The following TAOK3 variants were observed in gnomAD, a reference collection of about 807,000 sequenced individuals.
TAOK3 encodes serine/threonine-protein kinase TAO3.
A neutral mutation model predicts 120.4 loss-of-function variants in TAOK3; 40 were observed. The observed-to-expected ratio is 0.33, with a 90% CI of 0.26 to 0.43. The LOEUF (loss-of-function observed/expected upper bound fraction) is 0.43, where lower values mean the gene tolerates loss of function less well. Among genes scored for constraint, TAOK3 ranks in the 20% least tolerant of loss-of-function variants. TAOK3 has a pLI of 1.00. For missense variants in TAOK3, 821 were observed against 1,112.1 expected (o/e 0.74, Z 3.72); for synonymous variants, 355 against 387.5 (o/e 0.92, Z 0.99).
intron 4 of TAOK3, among the ~76,000 whole-genome samples, 183 bp from the exon 5 acceptor site, chr12:118,243,699 CAG>C (rs1359794581): frequency 6.6e-6 from 1 of 152,086 alleles, no homozygotes; most frequent in East Asian, 1.9e-4. Flanking sequence ...TTAATTGAGA[CAG>C]AGTCTTGCTC....
intron 1 of TAOK3, chr12:118,358,892 G>A (rs908093065): frequency 3.0e-4 from 46 of 152,086 alleles, no homozygotes; most frequent in Non-Finnish European, 1.6e-4. Flanking sequence ...AACATTAAAT[G>A]TAAAATAAAA....
chr12:118,233,922 A>C (rs1166866229), intron 8 of TAOK3, among the ~76,000 whole-genome samples, 157 bp from the exon 9 acceptor site: 1 of 152,204 alleles, frequency 6.6e-6, no homozygotes, highest in Non-Finnish European at 1.5e-5. Flanking sequence ...AACACTATTC[A>C]AAATATAATC....
chr12:118,248,098 T>C (rs547955232), intron 3 of TAOK3, among the ~76,000 whole-genome samples: 6 of 152,030 alleles, frequency 3.9e-5, no homozygotes, highest in Admixed American at 1.3e-4. Flanking sequence ...CCTCTTCAGA[T>C]ACAATGGTTT....
intron 3 of TAOK3, 57 bp downstream of exon 3, chr12:118,255,391 C>T (rs2140152869): frequency 1.3e-6 from 2 of 1,590,046 alleles, no homozygotes; most frequent in Non-Finnish European, 8.6e-7. Context: ...CTGTGCCAGG[C>T]CTAGAGTCCA....
In TAOK3 at chr12:118,206,874, C is replaced by T. The variant is rs996483673; in HGVS notation, c.820-5411G>A. On this transcript the variant is annotated intron_variant, in intron 11 of 20. Coordinates refer to ENST00000392533, the MANE Select transcript of TAOK3 (RefSeq NM_016281.4). ...CCTCCAAAAGTGCTGGGATTACAGG[C>T]GTGAGCCACTGCACCCGGCCTCCTC... Among the ~76,000 whole-genome samples the T allele has an allele frequency of 9.2e-5, 14 of 152,186 alleles. No individual in the cohort carries two copies. In the South Asian group the frequency reaches 1.5e-3, roughly 16 times the overall value.
In TAOK3 at chr12:118,217,816, CATATATATATATATATATATAT is replaced by C. The variant is rs57197721; in HGVS notation, c.644-3728_644-3707del. 2.1e-3 allele frequency among the ~76,000 whole-genome samples: 97 copies of C among 46,000 alleles called. 1 individual carries two copies. In the East Asian group the frequency reaches 0.038, roughly 18 times the overall value. The allele number at this position is 46,000 out of a possible 152,430, so 30.2% of individuals were successfully genotyped here. ...GTATGTATGTGTGTGTGTGTGTATA[CATATATATATATATATATATAT>C]ATATATATATATATATATATATACA... On this transcript the variant is annotated intron_variant, in intron 9 of 20. Coordinates refer to ENST00000392533, the MANE Select transcript of TAOK3 (RefSeq NM_016281.4).
chr12:118,168,552 C>T (rs973007701), intron 17 of TAOK3, among the ~76,000 whole-genome samples: 9 of 152,074 alleles, frequency 5.9e-5, no homozygotes, highest in Admixed American at 2.6e-4. Flanking sequence ...TTTCTGTTTT[C>T]GTCTATTTTC....
rs183042875 is a variant in TAOK3, at chr12:118,279,685, G to A, written c.-193-12926C>T. Among the ~76,000 whole-genome samples the A allele has an allele frequency of 3.3e-5, 5 of 150,054 alleles. No individual in the cohort carries two copies. The East Asian group carries it at 9.8e-4, about 29-fold the overall frequency. On this transcript the variant is annotated intron_variant, in intron 1 of 20. Transcript: ENST00000392533. ...TGCAACCTCTGCCTCTGGGATTCAA[G>A]CGATTCTTCTGCCTCAGCCTCCTAA... is the stretch of plus-strand genomic sequence containing the variant.
intron 1 of TAOK3, among the ~76,000 whole-genome samples, chr12:118,277,601 C>T (rs533337278): frequency 9.2e-5 from 14 of 151,920 alleles, no homozygotes; most frequent in Non-Finnish European, 1.8e-4. Flanking sequence ...GCTGGGAGTA[C>T]AGGCGCGCAC....
intron 20 of TAOK3, 92 bp from the exon 21 acceptor site, chr12:118,151,250 GCA>G (rs769333487): frequency 6.3e-5 from 83 of 1,308,742 alleles, no homozygotes; most frequent in Middle Eastern, 2.0e-4. Flanking sequence ...CATATGACAT[GCA>G]CACACACATA....
intron 9 of TAOK3, among the ~76,000 whole-genome samples, chr12:118,227,422 T>C (rs2039562714): frequency 6.6e-6 from 1 of 151,264 alleles, no homozygotes; most frequent in Admixed American, 6.6e-5. Context: ...AACTCCTCAG[T>C]TATGACCCTA....
intron 1 of TAOK3, among the ~76,000 whole-genome samples, chr12:118,350,379 G>A (rs1312027061): frequency 7.4e-6 from 1 of 134,694 alleles, no homozygotes; most frequent in Non-Finnish European, 1.5e-5. Flanking sequence ...ATACACCCCT[G>A]TAAAGTCTAT....
At chr12:118,215,900 T>C in intron 9 of TAOK3, among the ~76,000 whole-genome samples, 1 of 151,886 alleles carries the variant, frequency 6.6e-6, no homozygotes. Context: ...AACAATTTTT[T>C]TTTTTTTTTT....
At chr12:118,254,809 G>A (rs1485272721) in intron 3 of TAOK3, among the ~76,000 whole-genome samples, 2 of 152,026 alleles carry the variant, frequency 1.3e-5, no homozygotes, top group Non-Finnish European at 2.9e-5. Context: ...CCAGGCCAGA[G>A]TGCAGTGGCA....
intron 1 of TAOK3, among the ~76,000 whole-genome samples, chr12:118,358,240 T>C (rs12823158): frequency 6.6e-6 from 1 of 152,348 alleles, no homozygotes; most frequent in South Asian, 2.1e-4. Flanking sequence ...ACATAAATTG[T>C]TAATAACCGA....
At chr12:118,262,202 G>A (rs1370296983) in intron 2 of TAOK3, among the ~76,000 whole-genome samples, 1 of 152,022 alleles carries the variant, frequency 6.6e-6, no homozygotes, top group African/African-American at 2.4e-5. Flanking sequence ...TGAAAATCAA[G>A]GCCAGGCACG....
Position 118,150,881 on chromosome 12 carries a change from A to T in TAOK3, c.*116T>A. ...CCGACACGATGTCAGTAAGAGTAAGAGAGAGAGAGAGTGAGAGCAACGCCC... is the reference window on the plus strand; with the variant it reads ...CCGACACGATGTCAGTAAGAGTAAGTGAGAGAGAGAGTGAGAGCAACGCCC... On this transcript the variant is annotated 3_prime_UTR_variant, in exon 21 of 21. Transcript: ENST00000392533. 1 of 1,070,620 alleles carries T rather than the reference A, an allele frequency of 9.3e-7. No individual in the cohort carries two copies. The highest frequency in any genetic ancestry group is 1.3e-6 in the Non-Finnish European group (1 of 758,434). 66.3% of individuals were successfully genotyped at this position (1,070,620 alleles called of 1,614,324 possible). A position where few individuals can be genotyped will look rare whatever the true frequency, so the allele number is the denominator to read the frequency against.
intron 11 of TAOK3, among the ~76,000 whole-genome samples, chr12:118,204,889 C>T (rs150924247): frequency 1.7e-3 from 258 of 151,850 alleles, no homozygotes; most frequent in African/African-American, 6.1e-3. Context: ...AATTAGGGAC[C>T]GGGCATGGTG....
chr12:118,332,117 G>A (rs759694687), intron 1 of TAOK3, among the ~76,000 whole-genome samples: 5 of 152,180 alleles, frequency 3.3e-5, no homozygotes, highest in Non-Finnish European at 5.9e-5. Flanking sequence ...GAGCCACCAC[G>A]CCCAGATATA....
Sources: allele counts gnomAD v4.1 joint callset (sites outside exome capture counted in the v4.1 genomes callset), GRCh38; gene constraint gnomAD v4.1.1; transcripts MANE v1.5; gene names NCBI Gene and HGNC (gene_info 2026-07-23, HGNC 2026-07-21).